G3BP2: variants seen among roughly 807,000 people sequenced by gnomAD.
G3BP2 encodes the protein G3BP stress granule assembly factor 2.
In G3BP2, 11 loss-of-function variants were observed where a neutral mutation model predicts 56.7. The ratio of observed to expected loss-of-function variants is 0.19; its 90% CI spans 0.12 to 0.32. The LOEUF is 0.32. G3BP2 is among the 10% of genes least tolerant of loss of function. G3BP2 has a pLI of 1.00. For missense variants in G3BP2, 340 were observed against 610.9 expected (o/e 0.56, Z 4.67); for synonymous variants, 165 against 191.6 (o/e 0.86, Z 1.15).
intron 3 of G3BP2, among the ~76,000 whole-genome samples, chr4:75,691,490 T>TGAGC (rs1326033994): frequency 2.0e-5 from 3 of 152,326 alleles, no homozygotes; most frequent in Non-Finnish European, 2.9e-5. Flanking sequence ...ATTACAGGCG[T>TGAGC]GAGCCACTGT....
intron 1 of G3BP2, among the ~76,000 whole-genome samples, chr4:75,670,025 G>A (rs936070757): frequency 5.3e-5 from 8 of 152,136 alleles, no homozygotes; most frequent in South Asian, 2.1e-4. Context: ...ACCCGGGGGC[G>A]GAGGTTGCAG....
At chr4:75,674,413 C>T (rs541356372), upstream of G3BP2, among the ~76,000 whole-genome samples, 19 of 152,054 alleles carry the variant, frequency 1.2e-4, no homozygotes, top group East Asian at 1.4e-3. Context: ...TAAGACAATA[C>T]GTCAAATACC....
At chr4:75,703,881 A>C (rs1168666770) in intron 3 of G3BP2, among the ~76,000 whole-genome samples, 2 of 152,208 alleles carry the variant, frequency 1.3e-5, no homozygotes, top group Non-Finnish European at 2.9e-5. Context: ...ATTAAATGAT[A>C]ATTTAACCTA....
intron 8 of G3BP2, among the ~76,000 whole-genome samples, chr4:75,653,589 T>TTTA (rs1560613842): frequency 4.9e-5 from 6 of 121,534 alleles, no homozygotes; most frequent in African/African-American, 9.3e-5. Context: ...TTTTTTGCTT[T>TTTA]AAAAAAAAAA....
chr4:75,683,259 G>C (rs1164797092), intron 3 of G3BP2, among the ~76,000 whole-genome samples: 1 of 151,980 alleles, frequency 6.6e-6, no homozygotes, highest in Non-Finnish European at 1.5e-5. Flanking sequence ...GGGCAGGAAT[G>C]GTCCTCAGAA....
chr4:75,656,833 C>T, intron 5 of G3BP2, 91 bp downstream of exon 5: 1 of 700,862 alleles, frequency 1.4e-6, no homozygotes, highest in Non-Finnish European at 2.5e-6. Flanking sequence ...AATAAAGCAG[C>T]AAATTTCCGT....
intron 3 of G3BP2, among the ~76,000 whole-genome samples, chr4:75,719,559 G>A (rs1720065678): frequency 1.3e-5 from 2 of 151,960 alleles, no homozygotes; most frequent in Admixed American, 6.6e-5. Flanking sequence ...TATAGCATGT[G>A]AGACACCTCA....
intron 5 of G3BP2, 55 bp downstream of exon 5, chr4:75,656,869 C>T (rs1414600506): frequency 3.8e-6 from 3 of 791,452 alleles, no homozygotes; most frequent in Non-Finnish European, 6.5e-6. Context: ...AGAAATTAGT[C>T]CATAAAGAGT....
chr4:75,671,498 G>A (rs1436319686), intron 1 of G3BP2, among the ~76,000 whole-genome samples: 1 of 152,120 alleles, frequency 6.6e-6, no homozygotes, highest in East Asian at 1.9e-4. Flanking sequence ...CTACGAAATG[G>A]TCAAATAATG....
At chr4:75,698,714 G>A (rs1719219923) in intron 3 of G3BP2, among the ~76,000 whole-genome samples, 1 of 151,920 alleles carries the variant, frequency 6.6e-6, no homozygotes, top group South Asian at 2.1e-4. Flanking sequence ...TTCCTTTTTT[G>A]TTCATCTGAT....
intron 4 of G3BP2, 62 bp from the exon 5 acceptor site, chr4:75,657,076 A>G: frequency 1.4e-6 from 1 of 696,442 alleles, no homozygotes; most frequent in Non-Finnish European, 2.5e-6. Context: ...AAAAGAGCAA[A>G]TTACATGGCA....
intron 9 of G3BP2, 79 bp downstream of exon 9, chr4:75,648,560 T>C: frequency 5.5e-6 from 4 of 724,650 alleles, no homozygotes; most frequent in Non-Finnish European, 9.9e-6. Context: ...ATAGAACGCA[T>C]CATAGTTTTT....
At chr4:75,702,279 G>T (rs1465146569) in intron 3 of G3BP2, among the ~76,000 whole-genome samples, 1 of 151,284 alleles carries the variant, frequency 6.6e-6, no homozygotes, top group East Asian at 1.9e-4. Flanking sequence ...AAGTAGCCGG[G>T]CTTACGGGCA....
At chr4:75,651,588 C>T (rs530987642) in intron 8 of G3BP2, among the ~76,000 whole-genome samples, 1 of 152,326 alleles carries the variant, frequency 6.6e-6, no homozygotes, top group East Asian at 1.9e-4. Context: ...CATATGTTAA[C>T]TAAGTCAGCT....
intron 3 of G3BP2, among the ~76,000 whole-genome samples, chr4:75,685,694 C>A (rs193289489): frequency 1.2e-3 from 177 of 152,268 alleles, no homozygotes; most frequent in Admixed American, 0.011. Flanking sequence ...CAGGGCCTGA[C>A]ACACAAAGCA....
At chr4:75,647,350 G>A (rs888168750) in intron 9 of G3BP2, among the ~76,000 whole-genome samples, 193 bp from the exon 10 acceptor site, 1 of 152,182 alleles carries the variant, frequency 6.6e-6, no homozygotes, top group South Asian at 2.1e-4. Context: ...AATGTAAAGT[G>A]AGGACAATGA....
At position 75,646,470 on chromosome 4, in the gene G3BP2, C is replaced by T. The variant is rs751268907; in HGVS notation, c.1058-14G>A. On this transcript the variant is annotated splice_polypyrimidine_tract_variant and intron_variant, in intron 10 of 11. Coordinates refer to ENST00000359707, the MANE Select transcript of G3BP2 (RefSeq NM_203505.3). ...CGTTTCCAAAACCTGTGAAAATATA[C>T]ATTACATCAAGGGTTAAATATTTTT... 2 of 1,346,870 alleles carry T rather than the reference C, an allele frequency of 1.5e-6. No homozygotes were observed. The highest frequency in any genetic ancestry group is 2.1e-6 in the Non-Finnish European group (2 of 936,370). 83.4% of individuals were successfully genotyped at this position (1,346,870 alleles called of 1,614,324 possible).
intron 3 of G3BP2, among the ~76,000 whole-genome samples, chr4:75,692,749 T>C (rs924567319): frequency 7.9e-5 from 12 of 152,170 alleles, no homozygotes; most frequent in African/African-American, 1.2e-4. Flanking sequence ...GAGAATGAAA[T>C]TGGGCAGTCT....
intron 3 of G3BP2, among the ~76,000 whole-genome samples, chr4:75,690,842 G>T (rs544823857): frequency 9.9e-5 from 15 of 152,224 alleles, no homozygotes; most frequent in African/African-American, 3.6e-4. Context: ...GGGATTACAG[G>T]TGTGAGCCAC....
Sources: allele counts gnomAD v4.1 joint callset (sites outside exome capture counted in the v4.1 genomes callset), GRCh38; gene constraint gnomAD v4.1.1; transcripts MANE v1.5; gene names NCBI Gene and HGNC (gene_info 2026-07-23, HGNC 2026-07-21).